Variants in PHACTR1 observed in about 807,000 individuals in gnomAD.
The protein encoded by PHACTR1 is RPEL repeat containing 1.
In PHACTR1, 16 loss-of-function variants were observed where a neutral mutation model predicts 69.2. The observed-to-expected ratio is 0.23, with a 90% CI of 0.16 to 0.35. The LOEUF is 0.35. Among genes scored for constraint, PHACTR1 ranks in the 10% least tolerant of loss-of-function variants. The pLI, the probability that PHACTR1 is intolerant of heterozygous loss-of-function variation, is 1.00. For synonymous variants in PHACTR1, 312 were observed against 284.5 expected, an observed-to-expected ratio of 1.10 and a Z score of -0.97; for missense variants, 510 against 734.7, an observed-to-expected ratio of 0.69 and a Z score of 3.54.
chr6:13,278,962 C>CA (rs11372974), intron 12 of PHACTR1, among the ~76,000 whole-genome samples: 91,828 of 134,376 alleles, frequency 0.68, 31,648 homozygotes, highest in African/African-American at 0.78. Flanking sequence ...GACTCTGTCT[C>CA]AAAAAAAAAA....
Position 13,160,135 on chromosome 6 carries a change from A to G in PHACTR1, c.416-69A>G, listed in dbSNP as rs927137932. The G allele has an allele frequency of 4.4e-6, 6 of 1,367,972 alleles. No homozygotes were observed. In the African/African-American group the frequency reaches 7.2e-5, roughly 16 times the overall value. 84.7% of individuals were successfully genotyped at this position (1,367,972 alleles called of 1,614,324 possible). A position where few individuals can be genotyped will look rare whatever the true frequency, so the allele number is the denominator to read the frequency against. ...ATGTTACATTGCCATATGTGTTAAC[A>G]TAGGATCCTTTAGAAGACAACTTTG... On this transcript the variant is annotated intron_variant, in intron 5 of 14. Transcript: ENST00000332995.
chr6:13,214,528 A>T (rs891152573), intron 8 of PHACTR1, among the ~76,000 whole-genome samples: 6 of 152,214 alleles, frequency 3.9e-5, no homozygotes, highest in African/African-American at 1.4e-4. Context: ...TAAGGTAGGG[A>T]TGCTAAGATC....
chr6:12,967,907 A>G (rs534576035), intron 4 of PHACTR1, among the ~76,000 whole-genome samples: 1 of 152,358 alleles, frequency 6.6e-6, no homozygotes, highest in South Asian at 2.1e-4. Flanking sequence ...ATTTGAAAAC[A>G]CTATCTTGAA....
At chr6:13,081,231 G>A (rs549136018) in intron 5 of PHACTR1, among the ~76,000 whole-genome samples, 1 of 152,242 alleles carries the variant, frequency 6.6e-6, no homozygotes, top group South Asian at 2.1e-4. Context: ...TCTGAACTGG[G>A]TTCTACTAGA....
chr6:12,959,604 A>T (rs887962454), intron 4 of PHACTR1, among the ~76,000 whole-genome samples: 2 of 152,172 alleles, frequency 1.3e-5, no homozygotes, highest in African/African-American at 4.8e-5. Flanking sequence ...ATATCAGCAG[A>T]GTGAGTTCCT....
intron 7 of PHACTR1, among the ~76,000 whole-genome samples, chr6:13,193,302 C>T (rs953808736): frequency 4.8e-5 from 7 of 145,368 alleles, no homozygotes; most frequent in Non-Finnish European, 1.1e-4. Context: ...ATTTATGGAT[C>T]TAGCTTGAAC....
intron 4 of PHACTR1, among the ~76,000 whole-genome samples, chr6:12,774,625 C>T (rs1004658745): frequency 6.6e-6 from 1 of 152,162 alleles, no homozygotes; most frequent in African/African-American, 2.4e-5. Flanking sequence ...AACTCCTGAC[C>T]TCCTGACCTC....
chr6:12,948,818 T>C (rs1320056193), intron 4 of PHACTR1, among the ~76,000 whole-genome samples: 1 of 152,220 alleles, frequency 6.6e-6, no homozygotes, highest in African/African-American at 2.4e-5. Flanking sequence ...TATTTGAATA[T>C]TTGACAATTT....
chr6:12,724,081 A>G (rs1762479347), intron 3 of PHACTR1, among the ~76,000 whole-genome samples: 1 of 152,212 alleles, frequency 6.6e-6, no homozygotes. Context: ...TAATCCCAGC[A>G]CTTTGGGAGG....
chr6:12,937,331 C>T (rs1789565553), intron 4 of PHACTR1, among the ~76,000 whole-genome samples: 1 of 152,144 alleles, frequency 6.6e-6, no homozygotes, highest in Non-Finnish European at 1.5e-5. Context: ...ATTTATTCAA[C>T]ACCCAACACA....
At chr6:12,778,250 C>A (rs1460521885) in intron 4 of PHACTR1, among the ~76,000 whole-genome samples, 1 of 152,144 alleles carries the variant, frequency 6.6e-6, no homozygotes, top group African/African-American at 2.4e-5. Context: ...AAAATCCAAA[C>A]AAATTAAAAT....
At chr6:13,195,083 A>G (rs1322735560) in intron 7 of PHACTR1, among the ~76,000 whole-genome samples, 2 of 152,162 alleles carry the variant, frequency 1.3e-5, no homozygotes, top group African/African-American at 2.4e-5. Flanking sequence ...CCTTTGACCA[A>G]GGCAAAACGC....
At chr6:13,225,967 C>A (rs530187421) in intron 8 of PHACTR1, among the ~76,000 whole-genome samples, 1 of 152,346 alleles carries the variant, frequency 6.6e-6, no homozygotes, top group South Asian at 2.1e-4. Context: ...TCCCCAGCCC[C>A]ACTTTCATCA....
At chr6:12,931,233 A>G (rs1003138784) in intron 4 of PHACTR1, among the ~76,000 whole-genome samples, 1 of 152,092 alleles carries the variant, frequency 6.6e-6, no homozygotes, top group African/African-American at 2.4e-5. Flanking sequence ...GACTTTTCAG[A>G]GAGTGAGAAG....
chr6:13,183,722 C>T (rs78124213), intron 7 of PHACTR1, among the ~76,000 whole-genome samples: 155 of 152,252 alleles, frequency 1.0e-3, no homozygotes, highest in African/African-American at 3.5e-3. Flanking sequence ...TACACCCTCC[C>T]ACCCCAGGGA....
At chr6:13,276,247 C>T (rs1180464682) in intron 11 of PHACTR1, 1 of 152,178 alleles carries the variant, frequency 6.6e-6, no homozygotes, top group Non-Finnish European at 1.5e-5. Flanking sequence ...TGACCTCAGC[C>T]CACAGCAAGA....
chr6:12,883,333 G>A (rs778488049), intron 4 of PHACTR1, among the ~76,000 whole-genome samples: 1 of 152,042 alleles, frequency 6.6e-6, no homozygotes, highest in African/African-American at 2.4e-5. Context: ...CCCTGCCTCA[G>A]CTTCCCAAGT....
intron 4 of PHACTR1, among the ~76,000 whole-genome samples, chr6:12,879,605 T>A (rs1782879289): frequency 6.6e-6 from 1 of 152,172 alleles, no homozygotes; most frequent in African/African-American, 2.4e-5. Context: ...GATGCAGGGC[T>A]AGGTCAACAC....
intron 4 of PHACTR1, among the ~76,000 whole-genome samples, chr6:12,826,720 G>A (rs995443056): frequency 6.6e-6 from 1 of 152,086 alleles, no homozygotes; most frequent in African/African-American, 2.4e-5. Flanking sequence ...GAACTTCCAG[G>A]TTTGCACAAT....
Sources: gnomAD v4.1 joint callset for allele counts (sites outside exome capture counted in the v4.1 genomes callset) on GRCh38, gnomAD v4.1.1 for gene constraint, MANE v1.5 for transcripts, NCBI Gene and HGNC (gene_info 2026-07-23, HGNC 2026-07-21) for gene names.